The following SLC38A8 variants were observed in gnomAD, a reference collection of about 807,000 sequenced individuals.
The protein encoded by SLC38A8 is solute carrier family 38 member 8.
SLC38A8 carries 65 observed loss-of-function variants against 46.0 expected under a neutral mutation model. That is an observed-to-expected ratio of 1.41 (90% CI 1.16 to 1.74). The LOEUF is 1.74. Among genes scored for constraint, SLC38A8 ranks in the 40% most tolerant of loss-of-function variants. The pLI is 0.00. For synonymous variants in SLC38A8, 447 were observed against 243.7 expected, an observed-to-expected ratio of 1.83 and a Z score of -7.77; for missense variants, 998 against 567.9, an observed-to-expected ratio of 1.76 and a Z score of -7.70.
intron 3 of SLC38A8, among the ~76,000 whole-genome samples, chr16:84,034,914 C>T (rs946647922): frequency 1.3e-5 from 2 of 152,182 alleles, no homozygotes; most frequent in African/African-American, 4.8e-5. Flanking sequence ...TTCCCGGATG[C>T]TTGAGATCTT....
chr16:84,016,512 G>C lies in SLC38A8; in HGVS notation c.1162+7C>G, dbSNP rs1157674969. ...TGGGCAGAAAGCCTGGAAAGCAGGG[G>C]CCTCACCTGGGAAGATGAAGATGAA... On this transcript the variant is annotated splice_region_variant and intron_variant, in intron 9 of 10. Transcript: ENST00000299709. 1.2e-6 allele frequency: 2 copies of C among 1,612,896 alleles called. No individual in the cohort carries two copies. Among genetic ancestry groups the C allele is most frequent in the Non-Finnish European group, 1.7e-6 (2 of 1,179,106 alleles).
At chr16:84,034,811 T>C (rs1389980594) in intron 3 of SLC38A8, among the ~76,000 whole-genome samples, 6 of 151,672 alleles carry the variant, frequency 4.0e-5, no homozygotes, top group Admixed American at 3.9e-4. Flanking sequence ...TGGCGTGGGA[T>C]GGGGCAGGCC....
At position 84,027,637 on chromosome 16, in the gene SLC38A8, G is replaced by A. The variant is rs187842936; in HGVS notation, c.690+1857C>T. On this transcript the variant is annotated intron_variant, in intron 6 of 10. Transcript: ENST00000299709. ...CCTTCAGTTACATTTATTCTCCCCC[G>A]CTTCAGATCCTGGCAGCCCCCACCT... Among the ~76,000 whole-genome samples the A allele has an allele frequency of 5.5e-4, 83 of 152,064 alleles. 1 individual carries two copies. The highest frequency in any genetic ancestry group is 4.9e-3 in the Admixed American group (75 of 15,268).
chr16:84,040,749 C>T (rs1476027201), intron 2 of SLC38A8, among the ~76,000 whole-genome samples: 5 of 152,334 alleles, frequency 3.3e-5, no homozygotes, highest in South Asian at 2.1e-4. Flanking sequence ...CTTCCGACCA[C>T]GCCATGTCAT....
chr16:84,027,803 C>G (rs971813656), intron 6 of SLC38A8, among the ~76,000 whole-genome samples: 1 of 152,286 alleles, frequency 6.6e-6, no homozygotes, highest in Admixed American at 6.5e-5. Context: ...GTGAGGGGCA[C>G]CCCTTGCAAG....
intron 2 of SLC38A8, among the ~76,000 whole-genome samples, chr16:84,037,443 C>T (rs984400181): frequency 1.3e-5 from 2 of 152,200 alleles, no homozygotes; most frequent in African/African-American, 2.4e-5. Flanking sequence ...GTGACATACT[C>T]GGCTCAGCGT....
At chr16:84,033,639 G>A (rs1333436424) in intron 3 of SLC38A8, among the ~76,000 whole-genome samples, 170 bp from the exon 4 acceptor site, 2 of 152,262 alleles carry the variant, frequency 1.3e-5, no homozygotes, top group Middle Eastern at 3.4e-3. Context: ...GCCCCACGCA[G>A]GAACAAACCC....
chr16:84,013,422 G>GTTT (rs369454720), intron 9 of SLC38A8, among the ~76,000 whole-genome samples: 1,418 of 108,362 alleles, frequency 0.013, 126 homozygotes, highest in African/African-American at 0.05. Flanking sequence ...TGTTGTGTGT[G>GTTT]TGTTTTTTTT....
intron 7 of SLC38A8, among the ~76,000 whole-genome samples, chr16:84,021,222 C>A (rs1214573854): frequency 6.6e-6 from 1 of 152,180 alleles, no homozygotes; most frequent in Non-Finnish European, 1.5e-5. Context: ...CGCCACCATG[C>A]TCGGCTAATT....
chr16:84,011,202 G>C (rs535874007), intron 10 of SLC38A8, among the ~76,000 whole-genome samples: 7 of 152,216 alleles, frequency 4.6e-5, no homozygotes, highest in Non-Finnish European at 8.8e-5. Context: ...TCCTGGAGCA[G>C]CGCTGATGTA....
chr16:84,033,607 G>C, intron 3 of SLC38A8, 138 bp from the exon 4 acceptor site: 3 of 947,890 alleles, frequency 3.2e-6, no homozygotes, highest in Non-Finnish European at 4.6e-6. Context: ...CAGACGACAA[G>C]TGAGATGGAG....
intron 7 of SLC38A8, among the ~76,000 whole-genome samples, chr16:84,019,178 G>A (rs907712686): frequency 7.9e-5 from 12 of 151,892 alleles, no homozygotes; most frequent in Admixed American, 2.0e-4. Flanking sequence ...AGGTTCAAGC[G>A]ATTATCTTGC....
At chr16:84,037,012 G>A (rs889838348) in intron 2 of SLC38A8, 112 bp from the exon 3 acceptor site, 42 of 1,120,036 alleles carry the variant, frequency 3.7e-5, no homozygotes, top group Non-Finnish European at 4.7e-5. Context: ...CAGAGGCCAG[G>A]GCTGCTGCCA....
rs768398916 is a variant in SLC38A8 at position 84,041,981 on chromosome 16, G to A, written c.177C>T (p.Phe59=). 5.0e-6 allele frequency: 8 copies of A among 1,594,322 alleles called. No individual in the cohort carries two copies. In the Admixed American group the frequency reaches 1.0e-4, roughly 21 times the overall value. ...CCCGGGGACTTACCAGCTCCACCAG[G>A]AAGGCAGGGACCACTCCGCCCGCTT... ...FSKAGGVVPA[F]LVELVSLVFL... The change falls in exon 2 of 11, where the codon TTC becomes TTT. Residue 59 remains phenylalanine (F), a synonymous_variant. Coordinates refer to ENST00000299709, the MANE Select transcript of SLC38A8 (RefSeq NM_001080442.3).
chr16:84,030,860 G>A lies in SLC38A8; in HGVS notation c.632+1007C>T, dbSNP rs1419461100. Among the ~76,000 whole-genome samples, 5 of 147,968 alleles carry A rather than the reference G, an allele frequency of 3.4e-5. 1 individual carries two copies. The highest frequency in any genetic ancestry group is 7.6e-5 in the Non-Finnish European group (5 of 66,154). On this transcript the variant is annotated intron_variant, in intron 5 of 10. Coordinates refer to ENST00000299709, the MANE Select transcript of SLC38A8 (RefSeq NM_001080442.3). ...GACTGTAGGGGTCGCACACCCACGA[G>A]CCAGCCCTGCCACTGGGAAATCCGA...
intron 6 of SLC38A8, among the ~76,000 whole-genome samples, chr16:84,025,882 C>T (rs550289117): frequency 6.6e-6 from 1 of 152,344 alleles, no homozygotes; most frequent in South Asian, 2.1e-4. Flanking sequence ...GGTTTCCTGT[C>T]CTACAGGAGG....
intron 10 of SLC38A8, among the ~76,000 whole-genome samples, chr16:84,010,090 A>ATTTTTTC (rs2084936779): frequency 2.7e-5 from 1 of 37,020 alleles, no homozygotes; most frequent in Non-Finnish European, 4.6e-5. Flanking sequence ...TTTTTTTTTG[A>ATTTTTTC]GGTGGAGTCT....
At position 84,016,687 on chromosome 16, in the gene SLC38A8, C is replaced by G. The variant is rs940934877; in HGVS notation, c.994G>C (p.Gly332Arg). Residue 332 changes from glycine to arginine, a missense_variant, in exon 9 of 11, where the codon GGA becomes CGA. Gly to Arg is a moderately radical substitution (Grantham distance 125, BLOSUM62 -2). Transcript: ENST00000299709. ...TCGGCCAGGGCGCTGGGCCCCCATC[C>G]CCCCAAGCAGCTCCTCCTCCAGAAG... is the stretch of plus-strand genomic sequence containing the variant. ...QDFWRRSCLG[G>R]WGPSALADPS... 1.8e-5 allele frequency: 29 copies of G among 1,613,280 alleles called. No individual in the cohort carries two copies. Among genetic ancestry groups the G allele is most frequent in the Non-Finnish European group, 2.3e-5 (27 of 1,179,978 alleles).
chr16:84,012,196 T>C lies in SLC38A8; in HGVS notation c.1214+805A>G, dbSNP rs553401091. ...ATCTCTTTACCTGCCTCAGCCTCAG[T>C]TTCCCCATCTATGGGATGGGAGGGA... On this transcript the variant is annotated intron_variant, in intron 10 of 10. Transcript: ENST00000299709. 1.4e-4 allele frequency among the ~76,000 whole-genome samples: 21 copies of C among 152,312 alleles called. No individual in the cohort carries two copies. In the South Asian group the frequency reaches 4.1e-3, roughly 30 times the overall value.
Sources: gnomAD v4.1 joint callset for allele counts (sites outside exome capture counted in the v4.1 genomes callset) on GRCh38, gnomAD v4.1.1 for gene constraint, MANE v1.5 for transcripts, NCBI Gene and HGNC (gene_info 2026-07-23, HGNC 2026-07-21) for gene names.